Variants in KIAA1549 observed in about 807,000 individuals in gnomAD.
KIAA1549 encodes the protein UPF0606 protein KIAA1549.
KIAA1549 carries 70 observed loss-of-function variants against 156.4 expected under a neutral mutation model. The ratio of observed to expected loss-of-function variants is 0.45; its 90% CI spans 0.37 to 0.55. KIAA1549 has a LOEUF of 0.55. KIAA1549 is among the 20% of genes least tolerant of loss of function. The pLI is 0.00. For missense variants in KIAA1549, 2,428 were observed against 2,540.9 expected (o/e 0.96, Z 0.96); for synonymous variants, 1,103 against 1,066.4 (o/e 1.03, Z -0.67).
At chr7:138,925,829 CAAAAAAAAAAAAAAAAAAA>C (rs59066216) in intron 1 of KIAA1549, among the ~76,000 whole-genome samples, 1 of 44,600 alleles carries the variant, frequency 2.2e-5, no homozygotes, top group Non-Finnish European at 4.4e-5. Flanking sequence ...GATCCTGTCT[CAAAAAAAAAAAAAAAAAAA>C]AAAAAAAAAA....
intron 16 of KIAA1549, among the ~76,000 whole-genome samples, chr7:138,860,355 T>C (rs1303040295): frequency 2.0e-5 from 3 of 152,166 alleles, no homozygotes; most frequent in Non-Finnish European, 4.4e-5. Flanking sequence ...ATTTCAGAGA[T>C]AAAAAAGTAT....
chr7:138,959,213 T>C (rs1238161582), intron 1 of KIAA1549, among the ~76,000 whole-genome samples: 3 of 152,234 alleles, frequency 2.0e-5, no homozygotes, highest in African/African-American at 4.8e-5. Context: ...ATGACCTTAA[T>C]ATAACTCCAA....
intron 1 of KIAA1549, among the ~76,000 whole-genome samples, chr7:138,967,683 C>T (rs1814071661): frequency 1.3e-5 from 2 of 152,054 alleles, no homozygotes; most frequent in African/African-American, 2.4e-5. Context: ...CTCCATTAAA[C>T]AGCTGTCCAG....
intron 1 of KIAA1549, among the ~76,000 whole-genome samples, chr7:138,956,066 G>GT (rs1360987988): frequency 6.6e-6 from 1 of 152,140 alleles, no homozygotes; most frequent in Non-Finnish European, 1.5e-5. Context: ...GCTAATTTTT[G>GT]TATTTTTAGT....
chr7:138,878,761 CA>C (rs1020503492), intron 12 of KIAA1549, among the ~76,000 whole-genome samples: 6 of 133,204 alleles, frequency 4.5e-5, no homozygotes, highest in South Asian at 2.6e-4. Flanking sequence ...GACCCTGTCT[CA>C]AAAAAAAATA....
At chr7:138,881,260 T>G (rs1310042750) in intron 11 of KIAA1549, 128 bp downstream of exon 11, 2 of 885,284 alleles carry the variant, frequency 2.3e-6, no homozygotes, top group South Asian at 4.1e-5. Flanking sequence ...TTTGGGCAAG[T>G]CATCAGTCTG....
chr7:138,887,014 G>T (rs1811410798), intron 10 of KIAA1549, among the ~76,000 whole-genome samples: 1 of 151,968 alleles, frequency 6.6e-6, no homozygotes, highest in Non-Finnish European at 1.5e-5. Context: ...CAATTCTCCT[G>T]CCTCAGCCTC....
At chr7:138,846,230 G>T (rs549291738) in intron 17 of KIAA1549, among the ~76,000 whole-genome samples, 1 of 152,264 alleles carries the variant, frequency 6.6e-6, no homozygotes, top group South Asian at 2.1e-4. Context: ...CTGCCTGGAT[G>T]CATGCTAAAG....
intron 13 of KIAA1549, 101 bp from the exon 14 acceptor site, chr7:138,869,862 T>C: frequency 2.3e-6 from 2 of 872,066 alleles, no homozygotes; most frequent in Non-Finnish European, 3.4e-6. Flanking sequence ...GTTTATTTAT[T>C]TATTTGAGAC....
At chr7:138,967,138 G>A (rs1315025238) in intron 1 of KIAA1549, among the ~76,000 whole-genome samples, 3 of 152,186 alleles carry the variant, frequency 2.0e-5, no homozygotes, top group Non-Finnish European at 4.4e-5. Context: ...CACAGTGCCT[G>A]CACAGAGCAG....
intron 1 of KIAA1549, among the ~76,000 whole-genome samples, chr7:138,969,586 G>C (rs1252550439): frequency 1.3e-5 from 2 of 151,270 alleles, no homozygotes; most frequent in Non-Finnish European, 2.9e-5. Flanking sequence ...TATGAGTTTT[G>C]TTTTTTGTTT....
chr7:138,886,089 T>C (rs1420169346), intron 10 of KIAA1549, among the ~76,000 whole-genome samples: 3 of 152,042 alleles, frequency 2.0e-5, no homozygotes, highest in Non-Finnish European at 2.9e-5. Flanking sequence ...AGGAGAAACA[T>C]GGTTCGAGTT....
In KIAA1549 at chr7:138,840,118, A is replaced by T; in HGVS notation, c.5598+15T>A. ...GTCTAAATTTTAAATGATGACCCAA[A>T]CAGGAGATACTCACGGCCTCTCTTC... On this transcript the variant is annotated intron_variant, in intron 19 of 19. Transcript: ENST00000422774. 1 of 1,548,190 alleles carries T rather than the reference A, an allele frequency of 6.5e-7. No homozygotes were observed.
At position 138,833,520 on chromosome 7, in the gene KIAA1549, C is replaced by T. The variant is rs865964521; in HGVS notation, c.*4386G>A. 3.4e-5 allele frequency: 8 copies of T among 232,448 alleles called. No individual in the cohort carries two copies. Among genetic ancestry groups the T allele is most frequent in the East Asian group, 6.0e-5 (1 of 16,532 alleles). The allele number at this position is 232,448 out of a possible 1,614,324, so 14.4% of individuals were successfully genotyped here. On this transcript the variant is annotated 3_prime_UTR_variant, in exon 20 of 20. Transcript: ENST00000422774. ...TTCACCCGTGCTTTGCCTCACAGTCCGCATGCCAGGAAAGATCTGGCCGGC... is the reference window on the plus strand; with the variant it reads ...TTCACCCGTGCTTTGCCTCACAGTCTGCATGCCAGGAAAGATCTGGCCGGC...
intron 1 of KIAA1549, among the ~76,000 whole-genome samples, chr7:138,969,295 C>G (rs1223867264): frequency 6.6e-6 from 1 of 152,200 alleles, no homozygotes; most frequent in African/African-American, 2.4e-5. Flanking sequence ...TCCATTCCCC[C>G]CTCCTCCCAG....
chr7:138,903,916 T>C (rs1811935540), intron 7 of KIAA1549, among the ~76,000 whole-genome samples, 180 bp from the exon 8 acceptor site: 1 of 149,356 alleles, frequency 6.7e-6, no homozygotes, highest in African/African-American at 2.4e-5. Context: ...AAATGCCAAT[T>C]CCTAGACAGA....
At chr7:138,958,540 C>G (rs1320068575) in intron 1 of KIAA1549, among the ~76,000 whole-genome samples, 5 of 152,164 alleles carry the variant, frequency 3.3e-5, no homozygotes, top group African/African-American at 1.2e-4. Flanking sequence ...TATATAACTT[C>G]CCAGCTGTAA....
Position 138,981,177 on chromosome 7 carries a change from C to T in KIAA1549, c.93G>A (p.Arg31=). Residue 31 remains arginine, a synonymous_variant, in exon 1 of 20, where the codon CGG becomes CGA. Transcript: ENST00000422774. This position sits in a 1 kb window ranked among gnomAD's most constrained non-coding sequence, Gnocchi z 4.5. Reference sequence around the variant, plus strand: ...GGCGGCGGGCGCAGCGGGCGGAAGGCCGTCGGCCGCTCGGCCCCGGGGCCA... The same window carrying T: ...GGCGGCGGGCGCAGCGGGCGGAAGGTCGTCGGCCGCTCGGCCCCGGGGCCA... ...VALAPGPSGR[R]PSARCARRRR... The T allele has an allele frequency of 8.7e-7, 1 of 1,145,332 alleles. No homozygotes were observed. The highest frequency in any genetic ancestry group is 1.1e-6 in the Non-Finnish European group (1 of 932,862). The allele number at this position is 1,145,332 out of a possible 1,614,324, so 70.9% of individuals were successfully genotyped here. A position where few individuals can be genotyped will look rare whatever the true frequency, so the allele number is the denominator to read the frequency against.
chr7:138,876,831 CTT>C (rs1238652610), intron 12 of KIAA1549, among the ~76,000 whole-genome samples: 1 of 152,190 alleles, frequency 6.6e-6, no homozygotes, highest in Non-Finnish European at 1.5e-5. Flanking sequence ...TAAATAATCT[CTT>C]AAGGGTTCAT....
Sources: gnomAD v4.1 joint callset for allele counts (sites outside exome capture counted in the v4.1 genomes callset) on GRCh38, gnomAD v4.1.1 for gene constraint, Gnocchi (gnomAD v3.1) non-coding constraint, MANE v1.5 for transcripts, NCBI Gene and HGNC (gene_info 2026-07-23, HGNC 2026-07-21) for gene names.